The following MGAT5B variants were observed in gnomAD, a reference collection of about 807,000 sequenced individuals.
The protein encoded by MGAT5B is N-acetylglucosaminyl-transferase Vb.
MGAT5B carries 54 observed loss-of-function variants against 95.1 expected under a neutral mutation model. The ratio of observed to expected loss-of-function variants is 0.57; its 90% CI spans 0.46 to 0.71. MGAT5B has a LOEUF of 0.71. MGAT5B is among the 30% of genes least tolerant of loss of function. The pLI, the probability that MGAT5B is intolerant of heterozygous loss-of-function variation, is 0.00. For missense variants in MGAT5B, 935 were observed against 1,088.6 expected, an observed-to-expected ratio of 0.86 and a Z score of 1.99; for synonymous variants, 464 against 451.0, an observed-to-expected ratio of 1.03 and a Z score of -0.36.
chr17:76,895,914 T>G (rs1368356408), intron 3 of MGAT5B, among the ~76,000 whole-genome samples: 1 of 152,240 alleles, frequency 6.6e-6, no homozygotes, highest in African/African-American at 2.4e-5. Context: ...CCCCGATTTT[T>G]AAAGAAATTC....
chr17:76,871,681 G>A (rs188626061), intron 1 of MGAT5B, among the ~76,000 whole-genome samples: 189 of 152,388 alleles, frequency 1.2e-3, no homozygotes, highest in African/African-American at 4.2e-3. Context: ...AGGGCGGGGA[G>A]TGGAGGGGCA....
chr17:76,908,063 A>T (rs1968595898), intron 8 of MGAT5B, among the ~76,000 whole-genome samples: 1 of 152,212 alleles, frequency 6.6e-6, no homozygotes, highest in Non-Finnish European at 1.5e-5. Context: ...AAGGATATAA[A>T]TTCTGTGGAA....
intron 10 of MGAT5B, among the ~76,000 whole-genome samples, chr17:76,931,551 G>A (rs2145253625): frequency 6.6e-6 from 1 of 152,360 alleles, no homozygotes; most frequent in Middle Eastern, 3.4e-3. Context: ...ATGGAGAGGG[G>A]TTGTGTCCAG....
intron 8 of MGAT5B, among the ~76,000 whole-genome samples, chr17:76,920,672 C>T (rs567456848): frequency 7.6e-4 from 115 of 152,238 alleles, no homozygotes; most frequent in African/African-American, 2.7e-3. Flanking sequence ...TTCTCCTTAA[C>T]TCCTCCTGGG....
At chr17:76,883,219 C>T (rs1033129026) in intron 3 of MGAT5B, among the ~76,000 whole-genome samples, 1 of 151,902 alleles carries the variant, frequency 6.6e-6, no homozygotes, top group Non-Finnish European at 1.5e-5. Flanking sequence ...AGGCTGGTCT[C>T]GAACTCCTGA....
In MGAT5B at chr17:76,948,966, T is replaced by A; in HGVS notation, c.*128T>A. On this transcript the variant is annotated 3_prime_UTR_variant, in exon 18 of 18. Coordinates refer to ENST00000569840, the MANE Select transcript of MGAT5B (RefSeq NM_001199172.2). Reference sequence around the variant, plus strand: ...CCCCCCAGGCCGGAGCTTCCTTCCTTAGCCGGGAAGCTGGCAGAGGAGAGC... The same window carrying A: ...CCCCCCAGGCCGGAGCTTCCTTCCTAAGCCGGGAAGCTGGCAGAGGAGAGC... The A allele has an allele frequency of 9.1e-7, 1 of 1,093,080 alleles. No individual in the cohort carries two copies. Among genetic ancestry groups the A allele is most frequent in the Non-Finnish European group, 1.3e-6 (1 of 781,814 alleles). 67.7% of individuals were successfully genotyped at this position (1,093,080 alleles called of 1,614,324 possible). A position where few individuals can be genotyped will look rare whatever the true frequency, so the allele number is the denominator to read the frequency against.
rs779464727 is a variant in MGAT5B, at chr17:76,946,269, A to G, written c.1849-107A>G. 10 of 915,876 alleles carry G rather than the reference A, an allele frequency of 1.1e-5. No individual in the cohort carries two copies. The South Asian group carries it at 1.4e-4, about 12-fold the overall frequency. 56.7% of individuals were successfully genotyped at this position (915,876 alleles called of 1,614,324 possible). ...GGGTGGTCGGCTCCCTGGGCATGGC[A>G]CAGGATGTGAGAGCCCACCAGACCT... On this transcript the variant is annotated intron_variant, in intron 15 of 17. Transcript: ENST00000569840.
intron 15 of MGAT5B, chr17:76,944,310 G>A (rs1411591929): frequency 2.0e-5 from 3 of 152,226 alleles, no homozygotes; most frequent in African/African-American, 7.2e-5. Flanking sequence ...TTGTGACAAG[G>A]GCTTACAGAC....
At chr17:76,922,002 G>A (rs1969138371) in intron 8 of MGAT5B, among the ~76,000 whole-genome samples, 2 of 152,220 alleles carry the variant, frequency 1.3e-5, no homozygotes, top group Non-Finnish European at 2.9e-5. Context: ...AGATGGCGAG[G>A]ATGATGGACT....
intron 2 of MGAT5B, among the ~76,000 whole-genome samples, chr17:76,881,555 C>T (rs1035794536): frequency 6.6e-6 from 1 of 152,184 alleles, no homozygotes; most frequent in African/African-American, 2.4e-5. Flanking sequence ...CCTGCATGTC[C>T]GGATCCATGG....
At chr17:76,884,369 T>C (rs1344095207) in intron 3 of MGAT5B, among the ~76,000 whole-genome samples, 1 of 152,190 alleles carries the variant, frequency 6.6e-6, no homozygotes, top group Non-Finnish European at 1.5e-5. Context: ...CTCTTGATGA[T>C]TGATTCAATA....
Position 76,905,023 on chromosome 17 carries a change from G to A in MGAT5B, c.691-146G>A. ...GGCGGGCAGGGCTCCCTGGTTTTGG[G>A]GGCTAATGAGCCCCTTAGAAAGTGC... On this transcript the variant is annotated intron_variant, in intron 6 of 17. Transcript: ENST00000569840. This position sits in a 1 kb window ranked among gnomAD's most constrained non-coding sequence, Gnocchi z 4.2. 1 of 820,780 alleles carries A rather than the reference G, an allele frequency of 1.2e-6. No homozygotes were observed. The highest frequency in any genetic ancestry group is 1.8e-6 in the Non-Finnish European group (1 of 551,970). 50.8% of individuals were successfully genotyped at this position (820,780 alleles called of 1,614,324 possible).
At position 76,868,546 on chromosome 17, in the gene MGAT5B, C is replaced by A; in HGVS notation, c.-484C>A. 1 of 148,692 alleles carries A rather than the reference C, an allele frequency of 6.7e-6. No homozygotes were observed. Among genetic ancestry groups the A allele is most frequent in the South Asian group, 1.9e-4 (1 of 5,330 alleles). 9.2% of individuals were successfully genotyped at this position (148,692 alleles called of 1,614,324 possible). A position where few individuals can be genotyped will look rare whatever the true frequency, so the allele number is the denominator to read the frequency against. ...GGCGCGGGTTGCCCTCGTCGAGAGCCATGGGCGCGGCGCGGCGCGGGGCTG... is the reference window on the plus strand; with the variant it reads ...GGCGCGGGTTGCCCTCGTCGAGAGCAATGGGCGCGGCGCGGCGCGGGGCTG... On this transcript the variant is annotated 5_prime_UTR_variant, in exon 1 of 18. Transcript: ENST00000569840. This position sits in a 1 kb window ranked among gnomAD's most constrained non-coding sequence, Gnocchi z 6.3.
At chr17:76,936,502 T>G (rs567705687) in intron 12 of MGAT5B, among the ~76,000 whole-genome samples, 144 of 152,354 alleles carry the variant, frequency 9.5e-4, no homozygotes, top group African/African-American at 3.4e-3. Flanking sequence ...CTTTTGGTGT[T>G]GTATTTAAGA....
At position 76,915,882 on chromosome 17, in the gene MGAT5B, C is replaced by A. The variant is rs989220273; in HGVS notation, c.1026-9084C>A. Among the ~76,000 whole-genome samples, 1 of 152,216 alleles carries A rather than the reference C, an allele frequency of 6.6e-6. No individual in the cohort carries two copies. Among genetic ancestry groups the A allele is most frequent in the Non-Finnish European group, 1.5e-5 (1 of 68,044 alleles). On this transcript the variant is annotated intron_variant, in intron 8 of 17. Coordinates refer to ENST00000569840, the MANE Select transcript of MGAT5B (RefSeq NM_001199172.2). This position sits in a 1 kb window ranked among gnomAD's most constrained non-coding sequence, Gnocchi z 8.7. ...GCGAGCGCAGGAGCACACATCCCAG[C>A]GGAGAGGCCTGGCAGCCAGACACCT...
rs762079033 is a variant in MGAT5B at position 76,906,230 on chromosome 17, G to A, written c.1025+43G>A. The A allele has an allele frequency of 9.7e-6, 15 of 1,544,508 alleles. No individual in the cohort carries two copies. In the East Asian group the frequency reaches 1.3e-4, roughly 13 times the overall value. ...CCACTGGCATTAAGTGGGGCAGGGA[G>A]GGGATGAAGGGGAACCCCACCCCTC... On this transcript the variant is annotated intron_variant, in intron 8 of 17. Transcript: ENST00000569840. This position sits in a 1 kb window ranked among gnomAD's most constrained non-coding sequence, Gnocchi z 4.6.
Position 76,872,774 on chromosome 17 carries a change from T to C in MGAT5B, c.69-77T>C. On this transcript the variant is annotated intron_variant, in intron 1 of 17. Coordinates refer to ENST00000569840, the MANE Select transcript of MGAT5B (RefSeq NM_001199172.2). ...CATGCACTCATTCGTAAAACATTTG[T>C]GCAGCCGGTACGTGGTGGAGCGTCA... 1 of 1,612,732 alleles carries C rather than the reference T, an allele frequency of 6.2e-7. No homozygotes were observed. Among genetic ancestry groups the C allele is most frequent in the East Asian group, 2.2e-5 (1 of 44,852 alleles).
intron 13 of MGAT5B, among the ~76,000 whole-genome samples, chr17:76,939,226 G>A (rs1969786231): frequency 6.6e-6 from 1 of 151,984 alleles, no homozygotes; most frequent in Non-Finnish European, 1.5e-5. Flanking sequence ...TTGGCCAGGT[G>A]CGGTGGCTCA....
chr17:76,876,060 T>C (rs770371456), intron 2 of MGAT5B, among the ~76,000 whole-genome samples: 1 of 152,138 alleles, frequency 6.6e-6, no homozygotes, highest in Non-Finnish European at 1.5e-5. Flanking sequence ...TCCTCCATGA[T>C]TTCTTTCATA....
Sources: gnomAD v4.1 joint callset for allele counts (sites outside exome capture counted in the v4.1 genomes callset) on GRCh38, gnomAD v4.1.1 for gene constraint, Gnocchi (gnomAD v3.1) non-coding constraint, MANE v1.5 for transcripts, NCBI Gene and HGNC (gene_info 2026-07-23, HGNC 2026-07-21) for gene names.